The following TUBA8 variants were observed in gnomAD, a reference collection of about 807,000 sequenced individuals.
TUBA8 encodes tubulin alpha 8.
TUBA8 carries 29 observed loss-of-function variants against 34.7 expected under a neutral mutation model. That is an observed-to-expected ratio of 0.84 (90% CI 0.62 to 1.14). The LOEUF (loss-of-function observed/expected upper bound fraction) is 1.14, where lower values mean the gene tolerates loss of function less well. Ranked by LOEUF, TUBA8 falls within the 50% of genes most tolerant of loss-of-function variation. The pLI, the probability that TUBA8 is intolerant of heterozygous loss-of-function variation, is 0.00. For missense variants in TUBA8, 541 were observed against 599.2 expected, an observed-to-expected ratio of 0.90 and a Z score of 1.01; for synonymous variants, 226 against 231.2, an observed-to-expected ratio of 0.98 and a Z score of 0.21.
In TUBA8 at chr22:18,110,890, CG is replaced by C; in HGVS notation, c.3+25del. ...GATGGTGAGGCTTCCCGGGGCCAGG[CG>C]GGCTGCGGGCGCGCGGCAGGCGTAG... On this transcript the variant is annotated intron_variant, in intron 1 of 4. Coordinates refer to ENST00000330423, the MANE Select transcript of TUBA8 (RefSeq NM_018943.3). This position sits in a 1 kb window ranked among gnomAD's most constrained non-coding sequence, Gnocchi z 6.2. 1 of 1,545,120 alleles carries C rather than the reference CG, an allele frequency of 6.5e-7. No individual in the cohort carries two copies. The highest frequency in any genetic ancestry group is 8.7e-7 in the Non-Finnish European group (1 of 1,152,268).
chr22:18,111,090 A>G lies in TUBA8; in HGVS notation c.3+222A>G. The G allele has an allele frequency of 1.6e-6, 1 of 638,230 alleles. No individual in the cohort carries two copies. The highest frequency in any genetic ancestry group is 2.7e-6 in the Non-Finnish European group (1 of 372,876). The allele number at this position is 638,230 out of a possible 1,614,324, so 39.5% of individuals were successfully genotyped here. On this transcript the variant is annotated intron_variant, in intron 1 of 4. Transcript: ENST00000330423. This position sits in a 1 kb window ranked among gnomAD's most constrained non-coding sequence, Gnocchi z 5.1. Reference sequence around the variant, plus strand: ...GAGACCAGGGGCCAGTTGTTCCTTAAAGGGACCTAAGGGAGCTTTGCGTGC... The same window carrying G: ...GAGACCAGGGGCCAGTTGTTCCTTAGAGGGACCTAAGGGAGCTTTGCGTGC...
At chr22:18,122,452 T>C (rs1047448366) in intron 2 of TUBA8, 1 of 152,390 alleles carries the variant, frequency 6.6e-6, no homozygotes, top group African/African-American at 2.4e-5. Flanking sequence ...AAAGTGCAGG[T>C]TACCTCCTGG....
intron 1 of TUBA8, chr22:18,117,135 T>A (rs551885135): frequency 3.9e-5 from 6 of 152,320 alleles, no homozygotes; most frequent in African/African-American, 1.2e-4. Flanking sequence ...TTCAGAAAAG[T>A]AGAGTGATAT....
In TUBA8 at chr22:18,111,201, G is replaced by C; in HGVS notation, c.3+333G>C. On this transcript the variant is annotated intron_variant, in intron 1 of 4. Transcript: ENST00000330423. The surrounding 1 kb of genome is among the most constrained non-coding windows in gnomAD (Gnocchi z 5.1). The stretch of plus-strand genomic sequence containing the variant: ...CCCAGATGGGCAGCCTGTGGACAGA[G>C]TGGAGAGAAGGGCGAGTCCGGGGAT... 1 of 474,522 alleles carries C rather than the reference G, an allele frequency of 2.1e-6. No homozygotes were observed. Among genetic ancestry groups the C allele is most frequent in the South Asian group, 3.2e-5 (1 of 31,732 alleles). The allele number at this position is 474,522 out of a possible 1,614,324, so 29.4% of individuals were successfully genotyped here.
chr22:18,121,788 T>G lies in TUBA8; in HGVS notation c.226+87T>G. 4.4e-6 allele frequency: 6 copies of G among 1,350,400 alleles called. No individual in the cohort carries two copies. Among genetic ancestry groups the G allele is most frequent in the Non-Finnish European group, 6.2e-6 (6 of 964,602 alleles). The allele number at this position is 1,350,400 out of a possible 1,614,324, so 83.7% of individuals were successfully genotyped here. ...ACAGTAGCTAAGGAAGCAGCGTCTC[T>G]AGCTGGAAGGTGGGGATGGTGCAAC... On this transcript the variant is annotated intron_variant, in intron 2 of 4. Coordinates refer to ENST00000330423, the MANE Select transcript of TUBA8 (RefSeq NM_018943.3). This position sits in a 1 kb window ranked among gnomAD's most constrained non-coding sequence, Gnocchi z 4.8.
intron 1 of TUBA8, chr22:18,117,778 A>G (rs1928017414): frequency 6.6e-6 from 1 of 150,880 alleles, no homozygotes; most frequent in Admixed American, 6.6e-5. Flanking sequence ...CCGTCTCAAA[A>G]AAAAAAAAAA....
In TUBA8 at chr22:18,110,980, G is replaced by A; in HGVS notation, c.3+112G>A. 6.7e-7 allele frequency: 1 copy of A among 1,498,484 alleles called. No individual in the cohort carries two copies. Among genetic ancestry groups the A allele is most frequent in the Non-Finnish European group, 9.0e-7 (1 of 1,115,530 alleles). The allele number at this position is 1,498,484 out of a possible 1,614,324, so 92.8% of individuals were successfully genotyped here. ...TCTTCCTGGAGCCGCAGGGCTCAAG[G>A]CCTTCTGGGGGTGGCAGTTCAGGGT... On this transcript the variant is annotated intron_variant, in intron 1 of 4. Transcript: ENST00000330423. The surrounding 1 kb of genome is among the most constrained non-coding windows in gnomAD (Gnocchi z 6.2).
At chr22:18,123,950 A>G (rs570919976) in intron 2 of TUBA8, 249 of 619,572 alleles carry the variant, frequency 4.0e-4, no homozygotes, top group Admixed American at 8.8e-4. Context: ...CACCGCCCAC[A>G]TGAGCCACAG....
rs1927782692 is a variant in TUBA8 at position 18,110,912 on chromosome 22, C to G, written c.3+44C>G. ...AGGCGGGCTGCGGGCGCGCGGCAGG[C>G]GTAGGACCGAGAGCCGAGTCTACGC... On this transcript the variant is annotated intron_variant, in intron 1 of 4. Transcript: ENST00000330423. This position sits in a 1 kb window ranked among gnomAD's most constrained non-coding sequence, Gnocchi z 6.2. 1 of 1,540,140 alleles carries G rather than the reference C, an allele frequency of 6.5e-7. No individual in the cohort carries two copies. Among genetic ancestry groups the G allele is most frequent in the Middle Eastern group, 2.2e-4 (1 of 4,480 alleles).
At chr22:18,112,321 A>G (rs544901486) in intron 1 of TUBA8, 26 of 152,238 alleles carry the variant, frequency 1.7e-4, no homozygotes, top group Non-Finnish European at 3.5e-4. Flanking sequence ...TCTAAGTTCA[A>G]TAATTACCAA....
chr22:18,126,626 C>A lies in TUBA8; in HGVS notation c.648C>A (p.Asn216Lys), dbSNP rs768126889. Reference sequence around the variant, plus strand: ...CCATCTATGACATCTGCCGCAGGAACCTTGACATTGAGCGCCCTACCTATA... The same window carrying A: ...CCATCTATGACATCTGCCGCAGGAAACTTGACATTGAGCGCCCTACCTATA... ...NEAIYDICRRNLDIERPTYTN... is the reference protein window; with the variant it reads ...NEAIYDICRRKLDIERPTYTN... The change falls in exon 4 of 5, where the codon AAC (asparagine) becomes AAA (lysine). Residue 216 changes from asparagine to lysine, a missense_variant. Physicochemically the swap from Asn to Lys is moderately conservative, Grantham distance 94 (BLOSUM62 0). Transcript: ENST00000330423. This position sits in a 1 kb window ranked among gnomAD's most constrained non-coding sequence, Gnocchi z 4.0. 1.7e-5 allele frequency: 28 copies of A among 1,614,038 alleles called. No individual in the cohort carries two copies. The highest frequency in any genetic ancestry group is 2.1e-5 in the Non-Finnish European group (25 of 1,180,032).
Position 18,124,326 on chromosome 22 carries a change from A to G in TUBA8, c.375+22A>G, listed in dbSNP as rs764136117. ...GCTGGTAAGATCAGGAGGGCAGGGG[A>G]CGGGTGGGTCAGGCTGGAGTGGACA... On this transcript the variant is annotated intron_variant, in intron 3 of 4. Coordinates refer to ENST00000330423, the MANE Select transcript of TUBA8 (RefSeq NM_018943.3). This position sits in a 1 kb window ranked among gnomAD's most constrained non-coding sequence, Gnocchi z 4.3. 7 of 1,436,834 alleles carry G rather than the reference A, an allele frequency of 4.9e-6. No homozygotes were observed. The highest frequency in any genetic ancestry group is 6.7e-6 in the Non-Finnish European group (7 of 1,051,626). The allele number at this position is 1,436,834 out of a possible 1,614,324, so 89.0% of individuals were successfully genotyped here. A position where few individuals can be genotyped will look rare whatever the true frequency, so the allele number is the denominator to read the frequency against.
At chr22:18,130,708 C>T in intron 4 of TUBA8, 135 bp from the exon 5 acceptor site, 1 of 1,143,076 alleles carries the variant, frequency 8.7e-7, no homozygotes, top group Non-Finnish European at 1.3e-6. Flanking sequence ...CCGCCTGTTG[C>T]ATCCCATAGC....
chr22:18,131,098 G>A lies in TUBA8; in HGVS notation c.1312G>A (p.Asp438Asn). The A allele has an allele frequency of 6.2e-7, 1 of 1,614,206 alleles. No homozygotes were observed. Among genetic ancestry groups the A allele is most frequent in the Middle Eastern group, 1.7e-4 (1 of 6,046 alleles). ...LEKDYEEVGTDSFEEENEGEE... is the reference protein window; with the variant it reads ...LEKDYEEVGTNSFEEENEGEE... ...GAAGGATTATGAAGAAGTGGGGACT[G>A]ATTCGTTTGAAGAAGAAAATGAAGG... The change falls in exon 5 of 5, where the codon GAT becomes AAT. Residue 438 changes from aspartate (D) to asparagine (N), a missense_variant. Physicochemically the swap from Asp to Asn is conservative, Grantham distance 23 (BLOSUM62 1). Coordinates refer to ENST00000330423, the MANE Select transcript of TUBA8 (RefSeq NM_018943.3). The surrounding 1 kb of genome is among the most constrained non-coding windows in gnomAD (Gnocchi z 5.3).
Position 18,110,912 on chromosome 22 carries a change from C to A in TUBA8, c.3+44C>A. The A allele has an allele frequency of 6.5e-7, 1 of 1,540,140 alleles. No individual in the cohort carries two copies. Among genetic ancestry groups the A allele is most frequent in the Non-Finnish European group, 8.7e-7 (1 of 1,149,846 alleles). On this transcript the variant is annotated intron_variant, in intron 1 of 4. Coordinates refer to ENST00000330423, the MANE Select transcript of TUBA8 (RefSeq NM_018943.3). The surrounding 1 kb of genome is among the most constrained non-coding windows in gnomAD (Gnocchi z 6.2). Reference sequence around the variant, plus strand: ...AGGCGGGCTGCGGGCGCGCGGCAGGCGTAGGACCGAGAGCCGAGTCTACGC... The same window carrying A: ...AGGCGGGCTGCGGGCGCGCGGCAGGAGTAGGACCGAGAGCCGAGTCTACGC...
At position 18,124,400 on chromosome 22, in the gene TUBA8, C is replaced by T; in HGVS notation, c.375+96C>T. On this transcript the variant is annotated intron_variant, in intron 3 of 4. Transcript: ENST00000330423. This position sits in a 1 kb window ranked among gnomAD's most constrained non-coding sequence, Gnocchi z 4.3. ...TCAGGCTAGGGAGAGGCATCTGACC[C>T]CTGGCTATAGGATGGAGCTCCTAAG... 1 of 1,413,030 alleles carries T rather than the reference C, an allele frequency of 7.1e-7. No individual in the cohort carries two copies. The highest frequency in any genetic ancestry group is 9.5e-7 in the Non-Finnish European group (1 of 1,051,058). The allele number at this position is 1,413,030 out of a possible 1,614,324, so 87.5% of individuals were successfully genotyped here.
rs774116816 is a variant in TUBA8 at position 18,126,769 on chromosome 22, G to A, written c.791G>A (p.Arg264His). The change falls in exon 4 of 5, where the codon CGC (arginine) becomes CAC (histidine). Residue 264 changes from arginine to histidine, a missense_variant. Physicochemically the swap from Arg to His is conservative, Grantham distance 29. Transcript: ENST00000330423. This position sits in a 1 kb window ranked among gnomAD's most constrained non-coding sequence, Gnocchi z 4.0. ...EFQTNLVPYP[R>H]IHFPLVTYAP... Reference sequence around the variant, plus strand: ...CAGACCAACCTGGTGCCCTACCCCCGCATCCACTTCCCGCTGGTCACCTAC... The same window carrying A: ...CAGACCAACCTGGTGCCCTACCCCCACATCCACTTCCCGCTGGTCACCTAC... 10 of 1,613,756 alleles carry A rather than the reference G, an allele frequency of 6.2e-6. No homozygotes were observed. The highest frequency in any genetic ancestry group is 2.2e-5 in the South Asian group (2 of 91,034).
At chr22:18,130,652 C>G (rs1205240850) in intron 4 of TUBA8, 191 bp from the exon 5 acceptor site, 2 of 651,082 alleles carry the variant, frequency 3.1e-6, no homozygotes, top group African/African-American at 1.8e-5. Flanking sequence ...CTTCCACTTT[C>G]TCTTCAGCTT....
At chr22:18,123,730 A>C in intron 2 of TUBA8, 1 of 246,290 alleles carries the variant, frequency 4.1e-6, no homozygotes, top group Non-Finnish European at 8.1e-6. Flanking sequence ...GCACGCTGCC[A>C]CACCTGGCTA....
Sources: gnomAD v4.1 joint callset for allele counts on GRCh38, gnomAD v4.1.1 for gene constraint, Gnocchi (gnomAD v3.1) non-coding constraint, MANE v1.5 for transcripts, NCBI Gene and HGNC (gene_info 2026-07-23, HGNC 2026-07-21) for gene names.